The following ADCY8 variants were observed in gnomAD, a reference collection of about 807,000 sequenced individuals.
ADCY8 encodes the protein adenylate cyclase type 8.
ADCY8 carries 51 observed loss-of-function variants against 119.7 expected under a neutral mutation model. The ratio of observed to expected loss-of-function variants is 0.43; its 90% CI spans 0.34 to 0.54. ADCY8 has a LOEUF of 0.54. ADCY8 is among the 20% of genes least tolerant of loss of function. The pLI is 0.03. For missense variants in ADCY8, 1,383 were observed against 1,598.8 expected (o/e 0.87, Z 2.30); for synonymous variants, 665 against 651.0 (o/e 1.02, Z -0.33).
intron 1 of ADCY8, among the ~76,000 whole-genome samples, chr8:131,006,926 A>G (rs536169709): frequency 1.3e-5 from 2 of 152,312 alleles, no homozygotes; most frequent in South Asian, 4.1e-4. Context: ...TTTTAGAGCC[A>G]TTCATGACTT....
intron 1 of ADCY8, among the ~76,000 whole-genome samples, chr8:131,002,043 C>T (rs1369084746): frequency 6.6e-6 from 1 of 152,146 alleles, no homozygotes; most frequent in African/African-American, 2.4e-5. Context: ...ACGCATAGAG[C>T]TTAACAGTTT....
intron 5 of ADCY8, among the ~76,000 whole-genome samples, chr8:130,914,241 T>C (rs879524765): frequency 7.9e-5 from 12 of 152,294 alleles, no homozygotes; most frequent in Middle Eastern, 6.8e-3. Flanking sequence ...CACTACCTGA[T>C]TGCTTCACAC....
At chr8:130,843,342 G>A (rs1215890965) in intron 11 of ADCY8, among the ~76,000 whole-genome samples, 4 of 152,144 alleles carry the variant, frequency 2.6e-5, no homozygotes, top group Non-Finnish European at 5.9e-5. Context: ...TTCCTCACAT[G>A]CATGCACTGA....
At chr8:130,981,009 C>T (rs1306856515) in intron 2 of ADCY8, among the ~76,000 whole-genome samples, 2 of 152,174 alleles carry the variant, frequency 1.3e-5, no homozygotes, top group African/African-American at 2.4e-5. Flanking sequence ...TCCTATCTTT[C>T]TTTACCAAGA....
At chr8:130,983,167 G>T (rs1822289138) in intron 2 of ADCY8, among the ~76,000 whole-genome samples, 1 of 152,186 alleles carries the variant, frequency 6.6e-6, no homozygotes, top group Non-Finnish European at 1.5e-5. Flanking sequence ...GGATGGTAAA[G>T]CACCCCAAGG....
At position 130,989,327 on chromosome 8, in the gene ADCY8, C is replaced by G. The variant is rs188438955; in HGVS notation, c.1110+1066G>C. ...GTCTCATCCATTAGAGTCACACGGA[C>G]CTGGCTTCACTTACTTCAAAGATCC... is the stretch of plus-strand genomic sequence containing the variant. On this transcript the variant is annotated intron_variant, in intron 2 of 17. Coordinates refer to ENST00000286355, the MANE Select transcript of ADCY8 (RefSeq NM_001115.3). Among the ~76,000 whole-genome samples, 3 of 152,242 alleles carry G rather than the reference C, an allele frequency of 2.0e-5. No homozygotes were observed. In the South Asian group the frequency reaches 6.2e-4, roughly 32 times the overall value.
intron 9 of ADCY8, among the ~76,000 whole-genome samples, chr8:130,861,068 T>C (rs1007166999): frequency 2.0e-5 from 3 of 152,254 alleles, no homozygotes; most frequent in African/African-American, 7.2e-5. Context: ...TATTGAGCGA[T>C]GTGTTTATTC....
chr8:130,835,427 A>C (rs1337949952), intron 12 of ADCY8, among the ~76,000 whole-genome samples: 1 of 152,168 alleles, frequency 6.6e-6, no homozygotes, highest in East Asian at 1.9e-4. Flanking sequence ...GCACCAGCTG[A>C]ATCTCTTCAG....
At chr8:130,954,851 T>C (rs2130666961) in intron 2 of ADCY8, among the ~76,000 whole-genome samples, 1 of 152,288 alleles carries the variant, frequency 6.6e-6, no homozygotes, top group Non-Finnish European at 1.5e-5. Context: ...TAGAAAATTG[T>C]AAATTAAGGC....
intron 15 of ADCY8, among the ~76,000 whole-genome samples, chr8:130,790,173 C>T (rs1815381209): frequency 6.6e-6 from 1 of 152,194 alleles, no homozygotes. Context: ...ATTTGAACTT[C>T]TCTTCCAGAT....
rs1477925255 is a variant in ADCY8, at chr8:131,039,423, A to G, written c.911T>C (p.Val304Ala). Residue 304 changes from valine to alanine, a missense_variant, in exon 1 of 18, where the codon GTC (valine) becomes GCC (alanine). This residue lies in a region of ADCY8 where 455 missense variants were observed against 435.3 expected (regional missense o/e 1.05). Transcript: ENST00000286355. Reference sequence around the variant, plus strand: ...CCGGGGTATGACCACTTGGAGGATGACCTGCAGCAGCGAGGTGCCCAGGCC... The same window carrying G: ...CCGGGGTATGACCACTTGGAGGATGGCCTGCAGCAGCGAGGTGCCCAGGCC... ...LAGLGTSLLQ[V>A]ILQVVIPRLA... 7 of 1,614,050 alleles carry G rather than the reference A, an allele frequency of 4.3e-6. No individual in the cohort carries two copies. Among genetic ancestry groups the G allele is most frequent in the Non-Finnish European group, 5.9e-6 (7 of 1,180,040 alleles).
Position 130,841,076 on chromosome 8 carries a change from A to G in ADCY8, c.2503-4627T>C, listed in dbSNP as rs73342474. Among the ~76,000 whole-genome samples, 529 of 152,310 alleles carry G rather than the reference A, an allele frequency of 3.5e-3. 4 individuals are homozygous for G. The highest frequency in any genetic ancestry group is 0.012 in the African/African-American group (519 of 41,570). ...GTGTGAAAGAGACCAGATTCATCTT[A>G]CATTAGATGAACTCCAGGTAAGATT... On this transcript the variant is annotated intron_variant, in intron 11 of 17. Coordinates refer to ENST00000286355, the MANE Select transcript of ADCY8 (RefSeq NM_001115.3).
chr8:130,815,014 G>A (rs1816292536), intron 13 of ADCY8, among the ~76,000 whole-genome samples: 1 of 152,134 alleles, frequency 6.6e-6, no homozygotes, highest in Non-Finnish European at 1.5e-5. Flanking sequence ...GGAAACTTTG[G>A]GATGTAATTA....
intron 8 of ADCY8, among the ~76,000 whole-genome samples, chr8:130,869,974 TTCCTCC>T (rs747794446): frequency 4.2e-4 from 63 of 148,724 alleles, no homozygotes; most frequent in Non-Finnish European, 7.9e-4. Flanking sequence ...TTCTTCCTTC[TTCCTCC>T]TCCTCCTCCT....
intron 11 of ADCY8, among the ~76,000 whole-genome samples, chr8:130,841,926 A>T (rs1586469531): frequency 6.6e-6 from 1 of 152,306 alleles, no homozygotes; most frequent in East Asian, 1.9e-4. Flanking sequence ...TTCTTCTGAG[A>T]CCAGCCTAGA....
At chr8:130,862,603 C>G (rs891106780) in intron 9 of ADCY8, among the ~76,000 whole-genome samples, 3 of 151,986 alleles carry the variant, frequency 2.0e-5, no homozygotes, top group Non-Finnish European at 2.9e-5. Flanking sequence ...TTAGTAGAGA[C>G]GGGGTTTCAC....
intron 1 of ADCY8, among the ~76,000 whole-genome samples, chr8:131,015,747 T>C (rs1823455130): frequency 6.6e-6 from 1 of 152,326 alleles, no homozygotes; most frequent in African/African-American, 2.4e-5. Context: ...GGAGTTATTA[T>C]ATCCACGTCT....
intron 8 of ADCY8, among the ~76,000 whole-genome samples, chr8:130,879,451 A>C (rs1331987848): frequency 2.0e-5 from 3 of 152,228 alleles, no homozygotes; most frequent in African/African-American, 7.2e-5. Flanking sequence ...TTAAAAATAA[A>C]AACAGAAATG....
chr8:130,926,405 C>T (rs1820469219), intron 5 of ADCY8, among the ~76,000 whole-genome samples: 4 of 151,836 alleles, frequency 2.6e-5, no homozygotes, highest in Admixed American at 2.0e-4. Context: ...CCCTCATACT[C>T]GTACTTTTGA....
Sources: gnomAD v4.1 joint callset for allele counts (sites outside exome capture counted in the v4.1 genomes callset) on GRCh38, gnomAD v4.1.1 for gene constraint, gnomAD v4.1.1 regional missense constraint, MANE v1.5 for transcripts, NCBI Gene and HGNC (gene_info 2026-07-23, HGNC 2026-07-21) for gene names.